PARD6B: variants seen among roughly 807,000 people sequenced by gnomAD.
The protein encoded by PARD6B is partitioning defective 6 homolog beta.
In PARD6B, 4 loss-of-function variants were observed where a neutral mutation model predicts 10.5. That is an observed-to-expected ratio of 0.38 (90% CI 0.19 to 0.87). The LOEUF (loss-of-function observed/expected upper bound fraction) is 0.87. Among genes scored for constraint, PARD6B ranks in the 40% least tolerant of loss-of-function variants. PARD6B has a pLI of 0.41. For missense variants in PARD6B, 396 were observed against 470.6 expected (o/e 0.84, Z 1.47); for synonymous variants, 169 against 170.4 (o/e 0.99, Z 0.07).
chr20:50,749,701 A>C lies in PARD6B; in HGVS notation c.332A>C (p.Lys111Thr). 1.2e-6 allele frequency: 2 copies of C among 1,610,932 alleles called. No individual in the cohort carries two copies. The highest frequency in any genetic ancestry group is 1.7e-6 in the Non-Finnish European group (2 of 1,179,140). The change falls in exon 3 of 3, where the codon AAG (lysine) becomes ACG (threonine). Residue 111 changes from lysine (K) to threonine (T), a missense_variant. Physicochemically the swap from Lys to Thr is moderately conservative, Grantham distance 78 (BLOSUM62 -1). This residue lies in a region of PARD6B where 208 missense variants were observed against 300.9 expected (regional missense o/e 0.69). Coordinates refer to ENST00000371610, the MANE Select transcript of PARD6B (RefSeq NM_032521.3). ...GCCTTTGGTACAGACACGCTAATAA[A>C]GAAGAAGAATGTTTTAACCAACGTA... Reference protein sequence around the residue: ...YSAFGTDTLIKKKNVLTNVLR... With the variant: ...YSAFGTDTLITKKNVLTNVLR...
chr20:50,738,224 C>T (rs2087511000), intron 2 of PARD6B, 145 bp downstream of exon 2: 1 of 529,318 alleles, frequency 1.9e-6, no homozygotes, highest in South Asian at 3.7e-5. Flanking sequence ...TGGGTTAAAA[C>T]ATTTGTGATA....
chr20:50,742,087 C>T (rs1277953889), intron 2 of PARD6B, among the ~76,000 whole-genome samples: 1 of 152,174 alleles, frequency 6.6e-6, no homozygotes, highest in East Asian at 1.9e-4. Context: ...AAGTCTTGCT[C>T]TGTCACCCAG....
At chr20:50,736,989 C>T (rs1295435446) in intron 1 of PARD6B, among the ~76,000 whole-genome samples, 4 of 152,160 alleles carry the variant, frequency 2.6e-5, no homozygotes, top group South Asian at 2.1e-4. Flanking sequence ...TGAGCCATCG[C>T]GCCTGGCCTC....
chr20:50,738,503 T>C (rs1236081801), intron 2 of PARD6B, among the ~76,000 whole-genome samples: 2 of 152,242 alleles, frequency 1.3e-5, no homozygotes, highest in African/African-American at 4.8e-5. Context: ...TACCAGTTAA[T>C]AAATACCAGA....
chr20:50,734,672 TCTTA>T (rs2087490375), intron 1 of PARD6B, among the ~76,000 whole-genome samples: 1 of 152,070 alleles, frequency 6.6e-6, no homozygotes, highest in Admixed American at 6.5e-5. Context: ...TCCATTTTTC[TCTTA>T]CTATTTTCAA....
chr20:50,750,449 A>G lies in PARD6B; in HGVS notation c.1080A>G (p.Gln360=). The change falls in exon 3 of 3, where the codon CAA becomes CAG. Residue 360 remains glutamine, a synonymous_variant. Transcript: ENST00000371610. ...AATTTGAAACACATGCTCCAGATCA[A>G]AAACTCTTAGAAGAAGATGGAACAA... ...NTEFETHAPD[Q]KLLEEDGTII... is the part of the protein sequence containing the mutation. 6.2e-7 allele frequency: 1 copy of G among 1,614,016 alleles called. No homozygotes were observed. The highest frequency in any genetic ancestry group is 2.2e-5 in the East Asian group (1 of 44,890).
chr20:50,747,946 C>T (rs1382773418), intron 2 of PARD6B, among the ~76,000 whole-genome samples: 1 of 152,214 alleles, frequency 6.6e-6, no homozygotes, highest in East Asian at 1.9e-4. Flanking sequence ...GTCACCACCA[C>T]TGAGGACAAA....
At chr20:50,739,890 C>CCGTGGCGGG (rs2123701837) in intron 2 of PARD6B, among the ~76,000 whole-genome samples, 2 of 31,106 alleles carry the variant, frequency 6.4e-5, no homozygotes, top group Non-Finnish European at 1.4e-4. Context: ...GGGGAGAAGG[C>CCGTGGCGGG]AGTGGCGGGA....
At chr20:50,743,704 T>A (rs566691181) in intron 2 of PARD6B, among the ~76,000 whole-genome samples, 5 of 152,002 alleles carry the variant, frequency 3.3e-5, no homozygotes, top group Admixed American at 6.6e-5. Flanking sequence ...CTGGCTAGCA[T>A]GGTGAAACCG....
At chr20:50,738,242 TTTAA>T (rs1463813362) in intron 2 of PARD6B, among the ~76,000 whole-genome samples, 163 bp downstream of exon 2, 1 of 152,246 alleles carries the variant, frequency 6.6e-6, no homozygotes, top group Non-Finnish European at 1.5e-5. Context: ...ATATTGTTGG[TTTAA>T]TTAATATCTT....
intron 2 of PARD6B, among the ~76,000 whole-genome samples, chr20:50,741,884 C>T (rs7265589): frequency 0.041 from 6,234 of 152,114 alleles, 424 homozygotes; most frequent in African/African-American, 0.14. Flanking sequence ...AGATGCTTAA[C>T]TAGAAATCTG....
intron 2 of PARD6B, among the ~76,000 whole-genome samples, chr20:50,740,829 T>G (rs2087526334): frequency 6.6e-6 from 1 of 152,194 alleles, no homozygotes; most frequent in Admixed American, 6.5e-5. Context: ...TCTGATGATT[T>G]CCCATTGCAA....
At position 50,752,473 on chromosome 20, in the gene PARD6B, A is replaced by G; in HGVS notation, c.*1985A>G. The stretch of plus-strand genomic sequence containing the variant: ...GAGGCTATTTATTACTTTCCAATGC[A>G]TCCACTTAGAACAAGCTAAGAGTAA... On this transcript the variant is annotated 3_prime_UTR_variant, in exon 3 of 3. Coordinates refer to ENST00000371610, the MANE Select transcript of PARD6B (RefSeq NM_032521.3). The G allele has an allele frequency of 1.0e-6, 1 of 985,618 alleles. No individual in the cohort carries two copies. Among genetic ancestry groups the G allele is most frequent in the Non-Finnish European group, 1.2e-6 (1 of 829,858 alleles). The allele number at this position is 985,618 out of a possible 1,614,324, so 61.1% of individuals were successfully genotyped here. A position where few individuals can be genotyped will look rare whatever the true frequency, so the allele number is the denominator to read the frequency against.
chr20:50,747,485 C>CCTTCTTT, intron 2 of PARD6B, among the ~76,000 whole-genome samples: 1 of 35,936 alleles, frequency 2.8e-5, no homozygotes, highest in Middle Eastern at 0.029. Flanking sequence ...TTTTTTCTTT[C>CCTTCTTT]TTTCTTTTTT....
chr20:50,753,271 C>T lies in PARD6B; in HGVS notation c.*2783C>T, dbSNP rs78735395. ...CTATCAATGGTATTTTCAAGTAGAT[C>T]TCTGTTTCTTAAATTATTGGTGAAA... On this transcript the variant is annotated 3_prime_UTR_variant, in exon 3 of 3. Transcript: ENST00000371610. 0.017 allele frequency: 16,806 copies of T among 983,578 alleles called. 154 individuals are homozygous for T. Among genetic ancestry groups the T allele is most frequent in the South Asian group, 0.025 (539 of 21,230 alleles). The allele number at this position is 983,578 out of a possible 1,614,324, so 60.9% of individuals were successfully genotyped here.
Position 50,753,082 on chromosome 20 carries a change from T to A in PARD6B, c.*2594T>A, listed in dbSNP as rs2087623712. The A allele has an allele frequency of 3.0e-6, 3 of 984,328 alleles. No individual in the cohort carries two copies. In the African/African-American group the frequency reaches 5.2e-5, roughly 17 times the overall value. The allele number at this position is 984,328 out of a possible 1,614,324, so 61.0% of individuals were successfully genotyped here. Reference sequence around the variant, plus strand: ...TTTACACACTACCTCTCTCTTTTTTTTTTTAAAGTTTTAACATCAGAACTT... The same window carrying A: ...TTTACACACTACCTCTCTCTTTTTTATTTTAAAGTTTTAACATCAGAACTT... On this transcript the variant is annotated 3_prime_UTR_variant, in exon 3 of 3. Transcript: ENST00000371610.
At chr20:50,735,125 C>T (rs1191433325) in intron 1 of PARD6B, among the ~76,000 whole-genome samples, 1 of 151,952 alleles carries the variant, frequency 6.6e-6, no homozygotes, top group African/African-American at 2.4e-5. Context: ...ACTTCAGAGC[C>T]TGGGTGACAG....
intron 2 of PARD6B, among the ~76,000 whole-genome samples, chr20:50,746,412 A>T (rs1336591313): frequency 6.6e-6 from 1 of 152,228 alleles, no homozygotes; most frequent in African/African-American, 2.4e-5. Flanking sequence ...GTGCTGCTGT[A>T]TCAGCCCATA....
In PARD6B at chr20:50,752,795, A is replaced by G; in HGVS notation, c.*2307A>G. 1.0e-6 allele frequency: 1 copy of G among 975,238 alleles called. No individual in the cohort carries two copies. Among genetic ancestry groups the G allele is most frequent in the South Asian group, 4.7e-5 (1 of 21,078 alleles). 60.4% of individuals were successfully genotyped at this position (975,238 alleles called of 1,614,324 possible). A position where few individuals can be genotyped will look rare whatever the true frequency, so the allele number is the denominator to read the frequency against. On this transcript the variant is annotated 3_prime_UTR_variant, in exon 3 of 3. Transcript: ENST00000371610. ...AAGATCACTTGACTCAGAATACTTC[A>G]ATGTATTTTGTTCACATTACCACTA...
Sources: allele counts gnomAD v4.1 joint callset (sites outside exome capture counted in the v4.1 genomes callset), GRCh38; gene constraint gnomAD v4.1.1; regional missense constraint gnomAD v4.1.1; transcripts MANE v1.5; gene names NCBI Gene and HGNC (gene_info 2026-07-23, HGNC 2026-07-21).